Variants in SUPT3H observed in about 807,000 individuals in gnomAD.
SUPT3H encodes the protein SPT3 homolog, SAGA and STAGA complex component.
A neutral mutation model predicts 44.3 loss-of-function variants in SUPT3H; 44 were observed. The observed-to-expected ratio is 0.99, with a 90% CI of 0.78 to 1.28. The LOEUF (loss-of-function observed/expected upper bound fraction) is 1.28. SUPT3H is among the 50% of genes most tolerant of loss of function. SUPT3H has a pLI of 0.00. For synonymous variants in SUPT3H, 124 were observed against 125.6 expected (o/e 0.99, Z 0.09); for missense variants, 380 against 387.1 (o/e 0.98, Z 0.15).
intron 2 of SUPT3H, among the ~76,000 whole-genome samples, chr6:45,313,536 C>G (rs1784270823): frequency 6.6e-6 from 1 of 151,576 alleles, no homozygotes; most frequent in South Asian, 2.1e-4. Flanking sequence ...AACTAGAAAA[C>G]CTAGAACAGA....
intron 3 of SUPT3H, among the ~76,000 whole-genome samples, chr6:45,037,504 G>GA (rs1278036707): frequency 1.4e-5 from 2 of 147,232 alleles, no homozygotes; most frequent in Non-Finnish European, 3.0e-5. Flanking sequence ...AAAAAAAAAA[G>GA]AAAAAAAAAG....
intron 2 of SUPT3H, among the ~76,000 whole-genome samples, chr6:45,272,265 T>C (rs908046938): frequency 4.6e-5 from 7 of 152,146 alleles, no homozygotes; most frequent in Non-Finnish European, 1.0e-4. Context: ...ATGGTTTGGC[T>C]GTGTCCCCAC....
intron 9 of SUPT3H, among the ~76,000 whole-genome samples, chr6:44,949,411 A>C (rs1288986956): frequency 1.3e-5 from 2 of 152,110 alleles, no homozygotes; most frequent in African/African-American, 4.8e-5. Flanking sequence ...TAAAAAAATA[A>C]ATAAATGCAA....
At position 45,020,603 on chromosome 6, in the gene SUPT3H, C is replaced by T. The variant is rs370707480; in HGVS notation, c.216G>A (p.Leu72=). The T allele has an allele frequency of 9.5e-5, 153 of 1,611,376 alleles. No homozygotes were observed. The highest frequency in any genetic ancestry group is 1.1e-4 in the Non-Finnish European group (131 of 1,178,354). ...CAGGAGTGATTACCCTTGCTCCCCG[C>T]AGCTGAGAAACTTCAGCAGCTTGCT... The part of the protein sequence containing the change: ...LLQQAAEVSQ[L]RGARVITPED... Residue 72 remains leucine, a synonymous_variant, in exon 4 of 11, where the codon CTG becomes CTA. Coordinates refer to ENST00000371459, the MANE Select transcript of SUPT3H (RefSeq NM_003599.4).
chr6:45,086,774 C>T (rs1458131256), intron 3 of SUPT3H, among the ~76,000 whole-genome samples: 1 of 151,896 alleles, frequency 6.6e-6, no homozygotes, highest in Non-Finnish European at 1.5e-5. Context: ...AGTTATTTAT[C>T]TGTGAATAGG....
chr6:45,032,087 G>T (rs1583169143), intron 3 of SUPT3H, among the ~76,000 whole-genome samples: 3 of 152,128 alleles, frequency 2.0e-5, no homozygotes, highest in South Asian at 2.1e-4. Context: ...TCTGCCCTAT[G>T]CTTTCATCAT....
chr6:44,834,098 A>G (rs1447728325), intron 10 of SUPT3H, among the ~76,000 whole-genome samples: 1 of 152,144 alleles, frequency 6.6e-6, no homozygotes, highest in Non-Finnish European at 1.5e-5. Context: ...TTCAAAGCCA[A>G]TGGGTCTGAG....
chr6:45,158,298 A>ATATATTTTTTTTTTTT, intron 2 of SUPT3H, among the ~76,000 whole-genome samples: 2 of 99,692 alleles, frequency 2.0e-5, no homozygotes, highest in African/African-American at 1.0e-4. Flanking sequence ...ATATATATAT[A>ATATATTTTTTTTTTTT]TTTTTTTTTT....
At chr6:45,012,405 A>G (rs924842495) in intron 5 of SUPT3H, among the ~76,000 whole-genome samples, 2 of 151,836 alleles carry the variant, frequency 1.3e-5, no homozygotes, top group African/African-American at 4.8e-5. Flanking sequence ...CTTCAAGTTC[A>G]GATTCTTTCT....
chr6:45,342,000 T>C (rs1400444270), intron 2 of SUPT3H, among the ~76,000 whole-genome samples: 1 of 151,784 alleles, frequency 6.6e-6, no homozygotes, highest in Non-Finnish European at 1.5e-5. Flanking sequence ...TAACCTAGCA[T>C]TAAAAAAAAA....
Position 45,158,298 on chromosome 6 carries a change from A to ATATATATATATTTTTTTTT in SUPT3H, c.102-52293_102-52292insAAAAAAAAATATATATATA. Reference sequence around the variant, plus strand: ...TACATATATATATATATATATATATATTTTTTTTTTTTTTTTTTTGAGATG... The same window carrying ATATATATATATTTTTTTTT: ...TACATATATATATATATATATATATATATATATATATTTTTTTTTTTTTTTTTTTTTTTTTTTTGAGATG... On this transcript the variant is annotated intron_variant, in intron 2 of 10. Transcript: ENST00000371459. Among the ~76,000 whole-genome samples, 4 of 99,686 alleles carry ATATATATATATTTTTTTTT rather than the reference A, an allele frequency of 4.0e-5. 1 individual carries two copies. The highest frequency in any genetic ancestry group is 1.5e-4 in the African/African-American group (3 of 19,982). 65.4% of individuals were successfully genotyped at this position (99,686 alleles called of 152,430 possible).
chr6:45,144,058 T>C (rs185394094), intron 2 of SUPT3H, among the ~76,000 whole-genome samples: 1 of 152,088 alleles, frequency 6.6e-6, no homozygotes. Context: ...AATAAAAAAA[T>C]TGCCAACAAA....
intron 2 of SUPT3H, chr6:45,322,823 T>C: frequency 6.9e-7 from 1 of 1,440,480 alleles, no homozygotes; most frequent in South Asian, 1.2e-5. Flanking sequence ...ATGCACTTTC[T>C]CCAACCACAG....
chr6:45,182,724 G>A (rs1433198076), intron 2 of SUPT3H, among the ~76,000 whole-genome samples: 2 of 152,024 alleles, frequency 1.3e-5, no homozygotes, highest in Non-Finnish European at 2.9e-5. Flanking sequence ...TTTCTTTTTT[G>A]GATGACTTAT....
chr6:45,195,285 G>C (rs1815830170), intron 2 of SUPT3H, among the ~76,000 whole-genome samples: 1 of 152,158 alleles, frequency 6.6e-6, no homozygotes, highest in South Asian at 2.1e-4. Flanking sequence ...AATGATCAGA[G>C]CTTTCCAACC....
chr6:45,150,730 T>G (rs1025996295), intron 2 of SUPT3H, among the ~76,000 whole-genome samples: 3 of 143,228 alleles, frequency 2.1e-5, no homozygotes, highest in Admixed American at 6.9e-5. Flanking sequence ...GTTTTTTTTT[T>G]TTTTTTTTTT....
At position 45,012,724 on chromosome 6, in the gene SUPT3H, G is replaced by T. The variant is rs1783675251; in HGVS notation, c.364+2077C>A. ...ATTGTTCACACTTACCTATTACTTG[G>T]CATATCTAGTATTTTGTTGTTGTTG... On this transcript the variant is annotated intron_variant, in intron 5 of 10. Transcript: ENST00000371459. Among the ~76,000 whole-genome samples the T allele has an allele frequency of 2.6e-5, 4 of 151,246 alleles. No individual in the cohort carries two copies. The South Asian group carries it at 8.3e-4, about 32-fold the overall frequency.
At chr6:44,982,105 T>C (rs1369659793) in intron 6 of SUPT3H, among the ~76,000 whole-genome samples, 1 of 152,160 alleles carries the variant, frequency 6.6e-6, no homozygotes, top group Non-Finnish European at 1.5e-5. Context: ...AAATATTTCA[T>C]AGTTCTAAGA....
chr6:44,878,405 G>C (rs1328098631), intron 10 of SUPT3H, among the ~76,000 whole-genome samples: 4 of 151,944 alleles, frequency 2.6e-5, no homozygotes, highest in Admixed American at 6.6e-5. Flanking sequence ...ATCATAAATC[G>C]TGAGATAGGC....
Sources: allele counts gnomAD v4.1 joint callset (sites outside exome capture counted in the v4.1 genomes callset), GRCh38; gene constraint gnomAD v4.1.1; transcripts MANE v1.5; gene names NCBI Gene and HGNC (gene_info 2026-07-23, HGNC 2026-07-21).